The following INPP4A variants were observed in gnomAD, a reference collection of about 807,000 sequenced individuals.
INPP4A encodes the protein inositol polyphosphate-4-phosphatase, type I, 107kD.
INPP4A carries 33 observed loss-of-function variants against 119.8 expected under a neutral mutation model. That is an observed-to-expected ratio of 0.28 (90% CI 0.21 to 0.37). The LOEUF is 0.37. Among genes scored for constraint, INPP4A ranks in the 10% least tolerant of loss-of-function variants. INPP4A has a pLI of 1.00. For missense variants in INPP4A, 956 were observed against 1,289.9 expected, an observed-to-expected ratio of 0.74 and a Z score of 3.97; for synonymous variants, 496 against 500.7, an observed-to-expected ratio of 0.99 and a Z score of 0.12.
intron 1 of INPP4A, among the ~76,000 whole-genome samples, chr2:98,470,734 C>A (rs1451063697): frequency 6.6e-6 from 1 of 152,052 alleles, no homozygotes; most frequent in Admixed American, 6.5e-5. Flanking sequence ...GTGGCGCGAC[C>A]TCGGCTCACT....
intron 23 of INPP4A, 39 bp downstream of exon 23, chr2:98,572,966 C>A: frequency 1.4e-6 from 2 of 1,400,178 alleles, no homozygotes; most frequent in East Asian, 2.5e-5. Flanking sequence ...TATTGCGGTG[C>A]CCACAGCTGA....
chr2:98,555,433 A>T, intron 15 of INPP4A, 120 bp from the exon 16 acceptor site: 1 of 1,038,816 alleles, frequency 9.6e-7, no homozygotes, highest in Non-Finnish European at 1.4e-6. Flanking sequence ...CTAAACTTTG[A>T]GGTATTTTAA....
At chr2:98,527,970 C>G (rs1319165113) in intron 4 of INPP4A, among the ~76,000 whole-genome samples, 1 of 152,094 alleles carries the variant, frequency 6.6e-6, no homozygotes, top group Non-Finnish European at 1.5e-5. Flanking sequence ...TAGTTTTCAA[C>G]AAGAAGTTAT....
At chr2:98,568,220 A>G (rs569759413) in intron 21 of INPP4A, among the ~76,000 whole-genome samples, 33 of 152,208 alleles carry the variant, frequency 2.2e-4, no homozygotes, top group African/African-American at 7.7e-4. Context: ...GCCATACCTC[A>G]CTGCCGTCCC....
At chr2:98,461,917 G>A (rs902612086) in intron 1 of INPP4A, among the ~76,000 whole-genome samples, 4 of 152,228 alleles carry the variant, frequency 2.6e-5, no homozygotes, top group African/African-American at 9.6e-5. Context: ...TTTCCAGCCT[G>A]TGCTTCACAC....
At chr2:98,476,097 A>AT (rs1677152187) in intron 1 of INPP4A, among the ~76,000 whole-genome samples, 1 of 152,182 alleles carries the variant, frequency 6.6e-6, no homozygotes, top group Non-Finnish European at 1.5e-5. Flanking sequence ...GCCACATGAA[A>AT]TTTTTACCAT....
chr2:98,526,630 A>G (rs1488250285), intron 4 of INPP4A, among the ~76,000 whole-genome samples: 2 of 152,226 alleles, frequency 1.3e-5, no homozygotes, highest in East Asian at 3.8e-4. Context: ...CACTCTGGGT[A>G]GCATTTATTT....
chr2:98,567,618 A>G (rs765329568), intron 21 of INPP4A, among the ~76,000 whole-genome samples: 11 of 152,202 alleles, frequency 7.2e-5, no homozygotes, highest in South Asian at 6.2e-4. Flanking sequence ...TGCATTGAAT[A>G]GAGGGGAGGG....
At chr2:98,565,204 G>C (rs1213366572) in intron 19 of INPP4A, among the ~76,000 whole-genome samples, 2 of 152,220 alleles carry the variant, frequency 1.3e-5, no homozygotes, top group African/African-American at 4.8e-5. Flanking sequence ...ATTCTGAGAA[G>C]GTGATAGAAA....
intron 13 of INPP4A, among the ~76,000 whole-genome samples, chr2:98,547,580 T>G (rs968719426): frequency 7.2e-5 from 11 of 152,108 alleles, no homozygotes; most frequent in Non-Finnish European, 1.3e-4. Context: ...AGTAAGATCC[T>G]TGGACTGTGA....
chr2:98,537,148 A>T (rs1171569665), intron 7 of INPP4A, among the ~76,000 whole-genome samples: 1 of 152,268 alleles, frequency 6.6e-6, no homozygotes, highest in Non-Finnish European at 1.5e-5. Context: ...AGGCACGAGG[A>T]CAGGGCAAGG....
At chr2:98,529,193 A>G (rs1286731086) in intron 4 of INPP4A, among the ~76,000 whole-genome samples, 1 of 152,226 alleles carries the variant, frequency 6.6e-6, no homozygotes, top group East Asian at 1.9e-4. Context: ...AAGTACAGAT[A>G]TTTGCTAGAG....
chr2:98,534,628 T>A (rs1689877273), intron 5 of INPP4A, among the ~76,000 whole-genome samples: 1 of 152,170 alleles, frequency 6.6e-6, no homozygotes, highest in African/African-American at 2.4e-5. Flanking sequence ...GGGGTCTAAC[T>A]GTATCCTGGT....
intron 1 of INPP4A, among the ~76,000 whole-genome samples, chr2:98,480,949 G>A (rs576609858): frequency 6.6e-6 from 1 of 152,202 alleles, no homozygotes; most frequent in Non-Finnish European, 1.5e-5. Context: ...GGTGCTGCAC[G>A]TGCTCCATTC....
intron 13 of INPP4A, among the ~76,000 whole-genome samples, chr2:98,548,068 A>G (rs1692784861): frequency 6.6e-6 from 1 of 152,164 alleles, no homozygotes; most frequent in Admixed American, 6.5e-5. Context: ...AGGTCAGATC[A>G]GTGGCTGAGG....
Position 98,543,999 on chromosome 2 carries a change from A to G in INPP4A, c.941A>G (p.Gln314Arg), listed in dbSNP as rs1457555917. The change falls in exon 11 of 25, where the codon CAG becomes CGG. Residue 314 changes from glutamine (Q) to arginine (R), a missense_variant. Around this residue, in one of 2 missense-constraint regions of INPP4A, gnomAD observed 652 missense variants for 797.9 expected, o/e 0.82. Transcript: ENST00000409851. ...TYQENLTDLH[Q>R]YRGPSFKASS... ...CAGGAGAACCTGACCGACCTCCATC[A>G]GTACAGAGGTGGGTGCACCCCCATG... The G allele has an allele frequency of 2.6e-6, 4 of 1,559,666 alleles. No homozygotes were observed. In the East Asian group the frequency reaches 7.2e-5, roughly 28 times the overall value.
At chr2:98,522,903 A>G (rs1687488813) in intron 4 of INPP4A, among the ~76,000 whole-genome samples, 1 of 152,174 alleles carries the variant, frequency 6.6e-6, no homozygotes, top group Admixed American at 6.5e-5. Flanking sequence ...CTGCCCAACC[A>G]GACTATCAGT....
intron 1 of INPP4A, among the ~76,000 whole-genome samples, chr2:98,489,581 C>T (rs1002223313): frequency 6.6e-6 from 1 of 152,082 alleles, no homozygotes; most frequent in Admixed American, 6.5e-5. Flanking sequence ...AGTATAGGGT[C>T]TTTTATCCTG....
At chr2:98,503,791 C>T (rs1683564901) in intron 1 of INPP4A, among the ~76,000 whole-genome samples, 1 of 152,222 alleles carries the variant, frequency 6.6e-6, no homozygotes, top group African/African-American at 2.4e-5. Flanking sequence ...GACTCCTTCT[C>T]CTGCAGGCAG....
Sources: allele counts gnomAD v4.1 joint callset (sites outside exome capture counted in the v4.1 genomes callset), GRCh38; gene constraint gnomAD v4.1.1; regional missense constraint gnomAD v4.1.1; transcripts MANE v1.5; gene names NCBI Gene and HGNC (gene_info 2026-07-23, HGNC 2026-07-21).